The following MARCHF8 variants were observed in gnomAD, a reference collection of about 807,000 sequenced individuals.
The protein encoded by MARCHF8 is E3 ubiquitin-protein ligase MARCHF8.
Under a neutral mutation model 51.6 loss-of-function variants are expected in MARCHF8, and 40 were observed. The ratio of observed to expected loss-of-function variants is 0.77; its 90% CI spans 0.60 to 1.01. MARCHF8 has a LOEUF of 1.01. Ranked by LOEUF, MARCHF8 falls within the 50% of genes least tolerant of loss-of-function variation. The probability of loss-of-function intolerance (pLI) is 0.00; values close to 1 mark genes in which losing one functional copy is unlikely to be tolerated. For synonymous variants in MARCHF8, 263 were observed against 280.3 expected, an observed-to-expected ratio of 0.94 and a Z score of 0.62; for missense variants, 685 against 708.6, an observed-to-expected ratio of 0.97 and a Z score of 0.38.
At chr10:45,492,693 A>G (rs2043105729) in intron 2 of MARCHF8, among the ~76,000 whole-genome samples, 1 of 152,228 alleles carries the variant, frequency 6.6e-6, no homozygotes. Flanking sequence ...CCCAAAACTC[A>G]TTCAAATCAG....
At chr10:45,556,384 T>G (rs750152368) in intron 1 of MARCHF8, among the ~76,000 whole-genome samples, 1 of 152,032 alleles carries the variant, frequency 6.6e-6, no homozygotes, top group Non-Finnish European at 1.5e-5. Context: ...CTAAAATATT[T>G]ACAGATAAAA....
chr10:45,518,111 T>C (rs958396602), intron 2 of MARCHF8, among the ~76,000 whole-genome samples: 5 of 152,190 alleles, frequency 3.3e-5, no homozygotes, highest in Non-Finnish European at 5.9e-5. Flanking sequence ...ATCTCAGGTG[T>C]CTCATAAAGA....
intron 2 of MARCHF8, among the ~76,000 whole-genome samples, chr10:45,518,693 C>G (rs535379916): frequency 1.3e-5 from 2 of 152,310 alleles, no homozygotes; most frequent in African/African-American, 4.8e-5. Context: ...AAGGGAGCAT[C>G]CTGTGGAATG....
chr10:45,518,534 G>A (rs1347930930), intron 2 of MARCHF8, among the ~76,000 whole-genome samples: 1 of 152,156 alleles, frequency 6.6e-6, no homozygotes, highest in Non-Finnish European at 1.5e-5. Context: ...CTGATCTGAA[G>A]AACTTTTGCT....
intron 1 of MARCHF8, among the ~76,000 whole-genome samples, chr10:45,563,860 T>C (rs1298119223): frequency 1.3e-5 from 2 of 152,134 alleles, no homozygotes. Flanking sequence ...TAAGCACCAG[T>C]CAAAAGTTAA....
chr10:45,491,677 T>C (rs944118481), intron 2 of MARCHF8, among the ~76,000 whole-genome samples: 2 of 152,258 alleles, frequency 1.3e-5, no homozygotes, highest in South Asian at 2.1e-4. Flanking sequence ...GTCAAGAATG[T>C]ACTTATAGGT....
chr10:45,547,672 A>C (rs1489699677), intron 1 of MARCHF8, among the ~76,000 whole-genome samples: 1 of 152,132 alleles, frequency 6.6e-6, no homozygotes, highest in Non-Finnish European at 1.5e-5. Flanking sequence ...AAGGACTAAG[A>C]TAAAACATAA....
intron 7 of MARCHF8, among the ~76,000 whole-genome samples, chr10:45,458,917 C>G (rs1842696889): frequency 6.6e-6 from 1 of 152,154 alleles, no homozygotes. Context: ...TTCTCATGCT[C>G]CAGAATATGA....
At chr10:45,486,605 T>C (rs1231749747) in intron 3 of MARCHF8, among the ~76,000 whole-genome samples, 3 of 152,040 alleles carry the variant, frequency 2.0e-5, no homozygotes, top group African/African-American at 7.2e-5. Context: ...TGTATGGTTC[T>C]CCATTGTTCA....
At chr10:45,489,215 C>A in intron 3 of MARCHF8, 152 bp downstream of exon 3, 1 of 576,990 alleles carries the variant, frequency 1.7e-6, no homozygotes, top group Non-Finnish European at 3.0e-6. Context: ...ATGTAACTGC[C>A]ACATACCTCT....
chr10:45,556,871 T>G (rs1356115538), intron 1 of MARCHF8, among the ~76,000 whole-genome samples: 1 of 152,152 alleles, frequency 6.6e-6, no homozygotes, highest in African/African-American at 2.4e-5. Context: ...AATCAAGTAT[T>G]AAAAAGACAA....
intron 2 of MARCHF8, among the ~76,000 whole-genome samples, chr10:45,519,876 A>G (rs2043678807): frequency 6.6e-6 from 1 of 152,148 alleles, no homozygotes. Context: ...TGGCGCATTA[A>G]GAGCAAAGTC....
intron 2 of MARCHF8, among the ~76,000 whole-genome samples, chr10:45,515,418 C>T (rs1384553634): frequency 6.6e-6 from 1 of 152,172 alleles, no homozygotes; most frequent in Non-Finnish European, 1.5e-5. Context: ...TTCTGTTCCT[C>T]GCTGCTTCTA....
chr10:45,499,719 C>T (rs1254347621), intron 2 of MARCHF8, among the ~76,000 whole-genome samples: 2 of 152,114 alleles, frequency 1.3e-5, no homozygotes, highest in Non-Finnish European at 2.9e-5. Flanking sequence ...AGTCTCGGCG[C>T]CATTGTGGGA....
intron 1 of MARCHF8, among the ~76,000 whole-genome samples, chr10:45,550,239 C>T (rs1313866427): frequency 6.6e-6 from 1 of 152,146 alleles, no homozygotes; most frequent in African/African-American, 2.4e-5. Context: ...ATTTCTACTA[C>T]AGAATAACAT....
At chr10:45,502,134 G>C (rs755500959) in intron 2 of MARCHF8, among the ~76,000 whole-genome samples, 7 of 152,090 alleles carry the variant, frequency 4.6e-5, no homozygotes, top group Non-Finnish European at 1.0e-4. Flanking sequence ...ATTTACCTTG[G>C]AGAAATGAAA....
intron 2 of MARCHF8, among the ~76,000 whole-genome samples, chr10:45,509,597 T>C (rs79615525): frequency 7.2e-5 from 11 of 152,328 alleles, no homozygotes; most frequent in African/African-American, 2.6e-4. Flanking sequence ...GCTCATTCAA[T>C]CAAATATGAC....
chr10:45,567,992 C>T (rs1245694872), intron 1 of MARCHF8, among the ~76,000 whole-genome samples: 1 of 151,936 alleles, frequency 6.6e-6, no homozygotes, highest in Admixed American at 6.6e-5. Context: ...TTATAGAGAC[C>T]TTTCATTTAT....
chr10:45,593,132 A>C (rs945231282), intron 1 of MARCHF8, among the ~76,000 whole-genome samples: 2 of 148,416 alleles, frequency 1.3e-5, no homozygotes, highest in Non-Finnish European at 2.9e-5. Flanking sequence ...AAACCTTTCC[A>C]CTAGGTCACC....
Sources: gnomAD v4.1 joint callset for allele counts (sites outside exome capture counted in the v4.1 genomes callset) on GRCh38, gnomAD v4.1.1 for gene constraint, MANE v1.5 for transcripts, NCBI Gene and HGNC (gene_info 2026-07-23, HGNC 2026-07-21) for gene names.